The following LINGO2 variants were observed in gnomAD, a reference collection of about 807,000 sequenced individuals.
LINGO2 encodes the protein leucine rich repeat and Ig domain containing 2, also known as leucine-rich repeat and immunoglobulin-like domain-containing nogo receptor-interacting protein 2.
Under a neutral mutation model 30.6 loss-of-function variants are expected in LINGO2, and 14 were observed. The ratio of observed to expected loss-of-function variants is 0.46; its 90% confidence interval spans 0.30 to 0.72. The LOEUF is 0.72. Ranked by LOEUF, LINGO2 falls within the 30% of genes least tolerant of loss-of-function variation. The pLI is 0.07. For synonymous variants in LINGO2, 317 were observed against 288.5 expected (o/e 1.10, Z -1.00); for missense variants, 729 against 751.7 (o/e 0.97, Z 0.35).
chr9:28,897,703 G>T, the LINGO2 span, among the ~76,000 whole-genome samples: 1 of 151,930 alleles, frequency 6.6e-6, no homozygotes. Flanking sequence ...ATATCACAGG[G>T]GTTATGAGGA....
At chr9:28,409,609 A>C (rs1367751492) in intron 2 of LINGO2, among the ~76,000 whole-genome samples, 3 of 142,434 alleles carry the variant, frequency 2.1e-5, no homozygotes, top group African/African-American at 7.5e-5. Flanking sequence ...CTGGCTTAAC[A>C]GATGTGCAGG....
chr9:28,128,997 C>A (rs1827312793), intron 4 of LINGO2, among the ~76,000 whole-genome samples: 1 of 152,138 alleles, frequency 6.6e-6, no homozygotes, highest in African/African-American at 2.4e-5. Context: ...GTCTTCTGGC[C>A]TTCATCTTTC....
chr9:28,578,068 C>T (rs1183201728), intron 1 of LINGO2, among the ~76,000 whole-genome samples: 1 of 152,150 alleles, frequency 6.6e-6, no homozygotes, highest in Non-Finnish European at 1.5e-5. Context: ...GGGCAGAGTA[C>T]ATTCAGAAGG....
chr9:27,993,374 C>G (rs1821493990), intron 5 of LINGO2, among the ~76,000 whole-genome samples: 1 of 152,058 alleles, frequency 6.6e-6, no homozygotes, highest in African/African-American at 2.4e-5. Context: ...GAAATCCTAT[C>G]TATCAATAAA....
chr9:28,891,903 T>C, the LINGO2 span, among the ~76,000 whole-genome samples: 1 of 151,844 alleles, frequency 6.6e-6, no homozygotes, highest in Non-Finnish European at 1.5e-5. Context: ...TAAAAGTTTA[T>C]ATGAGTTTTC....
intron 4 of LINGO2, among the ~76,000 whole-genome samples, chr9:28,139,131 G>A (rs1220758419): frequency 6.6e-6 from 1 of 152,182 alleles, no homozygotes. Context: ...CCAGTGAAGA[G>A]AGAGAGCCAC....
chr9:28,061,889 T>C (rs538224914), intron 4 of LINGO2, among the ~76,000 whole-genome samples: 70 of 152,224 alleles, frequency 4.6e-4, no homozygotes, highest in African/African-American at 1.6e-3. Flanking sequence ...AACTTATGAA[T>C]AGTGTTATAA....
At chr9:28,540,435 A>T (rs1309381049) in intron 1 of LINGO2, among the ~76,000 whole-genome samples, 1 of 151,646 alleles carries the variant, frequency 6.6e-6, no homozygotes, top group East Asian at 1.9e-4. Context: ...TAATTTTTGT[A>T]TTTTTTTGTA....
chr9:28,391,202 A>G (rs1175850732), intron 2 of LINGO2, among the ~76,000 whole-genome samples: 1 of 152,224 alleles, frequency 6.6e-6, no homozygotes, highest in African/African-American at 2.4e-5. Context: ...TGAGAAATTT[A>G]TAAATCCAAA....
At chr9:28,205,476 C>T (rs949324047) in intron 4 of LINGO2, among the ~76,000 whole-genome samples, 1 of 152,186 alleles carries the variant, frequency 6.6e-6, no homozygotes, top group African/African-American at 2.4e-5. Context: ...TACTTATCAA[C>T]ACCTGATATT....
At chr9:28,484,336 T>A (rs1436189542) in intron 1 of LINGO2, among the ~76,000 whole-genome samples, 1 of 152,012 alleles carries the variant, frequency 6.6e-6, no homozygotes, top group Admixed American at 6.6e-5. Flanking sequence ...GTTGGATAAA[T>A]CTGTTTATAT....
chr9:28,036,231 C>A (rs10968296), intron 4 of LINGO2, among the ~76,000 whole-genome samples: 1 of 152,114 alleles, frequency 6.6e-6, no homozygotes. Flanking sequence ...ACAAACAGCC[C>A]ATCATCATGT....
rs1189414625 is a variant in LINGO2 at position 28,032,325 on chromosome 9, C to A, written c.-86-19920G>T. 7.2e-5 allele frequency among the ~76,000 whole-genome samples: 11 copies of A among 152,308 alleles called. No homozygotes were observed. In the East Asian group the frequency reaches 2.1e-3, roughly 29 times the overall value. On this transcript the variant is annotated intron_variant, in intron 4 of 5. Coordinates refer to ENST00000379992, the Ensembl canonical transcript of LINGO2. Reference sequence around the variant, plus strand: ...AAAGCGCACACACTGCCTGCCCTCGCTGCCCAGCACCCCACCTCAGTCTCC... The same window carrying A: ...AAAGCGCACACACTGCCTGCCCTCGATGCCCAGCACCCCACCTCAGTCTCC...
At chr9:29,146,670 TCTA>T in the LINGO2 span, among the ~76,000 whole-genome samples, 1 of 152,168 alleles carries the variant, frequency 6.6e-6, no homozygotes, top group Non-Finnish European at 1.5e-5. Flanking sequence ...TTATTATCAC[TCTA>T]CTAAGTTAGG....
chr9:28,420,788 A>G lies in LINGO2; in HGVS notation c.-278-47920T>C, dbSNP rs567643097. On this transcript the variant is annotated intron_variant, in intron 2 of 5. Coordinates refer to ENST00000379992, the Ensembl canonical transcript of LINGO2. ...AACCCATAGGTTTGCACAAAGTAAG[A>G]TAGCCCTGTATCATAACATTTATGG... Among the ~76,000 whole-genome samples the G allele has an allele frequency of 2.0e-5, 3 of 152,232 alleles. No homozygotes were observed. In the South Asian group the frequency reaches 6.2e-4, roughly 32 times the overall value.
the LINGO2 span, among the ~76,000 whole-genome samples, chr9:28,882,450 T>C: frequency 6.6e-6 from 1 of 152,200 alleles, no homozygotes; most frequent in Admixed American, 6.5e-5. Context: ...GAACACTGTA[T>C]GCATTTAACT....
intron 2 of LINGO2, among the ~76,000 whole-genome samples, chr9:28,452,317 T>C (rs2135077209): frequency 6.6e-6 from 1 of 151,892 alleles, no homozygotes; most frequent in Admixed American, 6.6e-5. Flanking sequence ...TAGAACAGCT[T>C]TCACGAACTA....
chr9:28,473,380 A>G (rs1253936627), intron 2 of LINGO2, among the ~76,000 whole-genome samples: 1 of 151,776 alleles, frequency 6.6e-6, no homozygotes, highest in Non-Finnish European at 1.5e-5. Flanking sequence ...CCTTGATCTG[A>G]TAAAATATCT....
At chr9:29,064,480 TTATC>T in the LINGO2 span, among the ~76,000 whole-genome samples, 3 of 152,206 alleles carry the variant, frequency 2.0e-5, no homozygotes, top group Admixed American at 6.5e-5. Context: ...ACAGAATAGT[TTATC>T]TAATTAAAAT....
Sources: gnomAD v4.1 joint callset for allele counts (sites outside exome capture counted in the v4.1 genomes callset) on GRCh38, gnomAD v4.1.1 for gene constraint, MANE v1.5 for transcripts, NCBI Gene and HGNC (gene_info 2026-07-23, HGNC 2026-07-21) for gene names.